The following ARMC3 variants were observed in gnomAD, a reference collection of about 807,000 sequenced individuals.
The protein encoded by ARMC3 is armadillo repeat containing 3, also known as armadillo repeat-containing protein 3.
In ARMC3, 74 loss-of-function variants were observed where a neutral mutation model predicts 90.3. That is an observed-to-expected ratio of 0.82 (90% CI 0.68 to 0.99). ARMC3 has a LOEUF of 0.99. Ranked by LOEUF, ARMC3 falls within the 50% of genes least tolerant of loss-of-function variation. The pLI is 0.00. For synonymous variants in ARMC3, 334 were observed against 361.8 expected (o/e 0.92, Z 0.87); for missense variants, 958 against 1,042.8 (o/e 0.92, Z 1.12).
chr10:22,973,753 C>CTTTTTTTTT (rs56405413), intron 8 of ARMC3, among the ~76,000 whole-genome samples: 16 of 79,924 alleles, frequency 2.0e-4, no homozygotes, highest in African/African-American at 3.4e-4. Flanking sequence ...CTTTGTCTTT[C>CTTTTTTTTT]TTTTTTTTTT....
intron 16 of ARMC3, among the ~76,000 whole-genome samples, chr10:23,012,813 T>C (rs1838077052): frequency 6.6e-6 from 1 of 151,952 alleles, no homozygotes; most frequent in Non-Finnish European, 1.5e-5. Context: ...TATCGTACTG[T>C]AAATCCTCCC....
chr10:22,944,459 AC>A (rs762690882), intron 2 of ARMC3, among the ~76,000 whole-genome samples: 5 of 152,232 alleles, frequency 3.3e-5, no homozygotes, highest in Non-Finnish European at 5.9e-5. Context: ...AAGTTCTACC[AC>A]ATCCATGGAG....
intron 8 of ARMC3, among the ~76,000 whole-genome samples, chr10:22,977,584 A>G (rs1835988423): frequency 6.6e-6 from 1 of 152,190 alleles, no homozygotes; most frequent in African/African-American, 2.4e-5. Context: ...AATTCAACTT[A>G]TTCAACTGGT....
In ARMC3 at chr10:22,959,062, C is replaced by G; in HGVS notation, c.293-8C>G. 6.3e-7 allele frequency: 1 copy of G among 1,592,726 alleles called. No individual in the cohort carries two copies. The highest frequency in any genetic ancestry group is 8.6e-7 in the Non-Finnish European group (1 of 1,160,628). ...ATAAACATCAATACTCTGTTTCTTC[C>G]TTTGTAGATGATGTTAAAAAATTGT... On this transcript the variant is annotated splice_region_variant and splice_polypyrimidine_tract_variant and intron_variant, in intron 4 of 18. Coordinates refer to ENST00000298032, the MANE Select transcript of ARMC3 (RefSeq NM_173081.5).
intron 8 of ARMC3, among the ~76,000 whole-genome samples, chr10:22,972,646 CT>C (rs1347647746): frequency 6.6e-6 from 1 of 152,112 alleles, no homozygotes. Flanking sequence ...TCAAACATCA[CT>C]TTTTCAGACC....
chr10:23,024,648 A>G (rs1838645456), intron 16 of ARMC3, among the ~76,000 whole-genome samples: 1 of 152,190 alleles, frequency 6.6e-6, no homozygotes, highest in South Asian at 2.1e-4. Flanking sequence ...TGTACATTGT[A>G]ATATCTACTG....
Position 22,961,997 on chromosome 10 carries a change from T to C in ARMC3, c.651T>C (p.Val217=). The C allele has an allele frequency of 6.2e-7, 1 of 1,612,680 alleles. No individual in the cohort carries two copies. The highest frequency in any genetic ancestry group is 8.5e-7 in the Non-Finnish European group (1 of 1,179,248). Residue 217 remains valine (V), a synonymous_variant, in exon 7 of 19, where the codon GTT becomes GTC. Transcript: ENST00000298032. ...TGTTGGCTCTCAAAACCTTAGGTGT[T>C]ATTGCAAATGATAAGGAGTCTCGAA... ...IQLLALKTLG[V]IANDKESRTM...
At chr10:23,004,460 C>T (rs1471583368) in intron 13 of ARMC3, among the ~76,000 whole-genome samples, 1 of 152,010 alleles carries the variant, frequency 6.6e-6, no homozygotes, top group Admixed American at 6.5e-5. Flanking sequence ...CAGACAGGAG[C>T]AAGAGGGCTA....
At chr10:22,943,797 G>T (rs1834414217) in intron 2 of ARMC3, among the ~76,000 whole-genome samples, 1 of 151,978 alleles carries the variant, frequency 6.6e-6, no homozygotes, top group Non-Finnish European at 1.5e-5. Flanking sequence ...GCCAGGCATG[G>T]TGGTGGGCAC....
intron 16 of ARMC3, among the ~76,000 whole-genome samples, chr10:23,025,112 GATAGCACTGAAAGGAGAATT>G (rs1838665678): frequency 1.3e-5 from 2 of 152,002 alleles, no homozygotes; most frequent in African/African-American, 4.8e-5. Context: ...AAAAAAACCT[GATAGCACTGAAAGGAGAATT>G]TGACAACTTC....
intron 1 of ARMC3, among the ~76,000 whole-genome samples, chr10:22,928,467 T>C (rs1833800137): frequency 6.6e-6 from 1 of 151,870 alleles, no homozygotes. Flanking sequence ...TTTAAAATCA[T>C]AGGCTGAACG....
At chr10:22,993,062 C>G (rs1456047569) in intron 10 of ARMC3, among the ~76,000 whole-genome samples, 1 of 152,176 alleles carries the variant, frequency 6.6e-6, no homozygotes, top group African/African-American at 2.4e-5. Flanking sequence ...TTCTTATTGC[C>G]AATATCACCA....
chr10:22,973,138 A>T (rs779021431), intron 8 of ARMC3, among the ~76,000 whole-genome samples: 27 of 151,386 alleles, frequency 1.8e-4, no homozygotes, highest in Non-Finnish European at 3.4e-4. Context: ...TCTACATAAA[A>T]TTTTTTTTAA....
intron 2 of ARMC3, among the ~76,000 whole-genome samples, chr10:22,945,697 TTGAG>T (rs1251891332): frequency 6.6e-6 from 1 of 152,216 alleles, no homozygotes; most frequent in African/African-American, 2.4e-5. Flanking sequence ...ATTGTGTATA[TTGAG>T]TAAGCATTTA....
At chr10:22,997,263 C>T (rs1366474264) in intron 10 of ARMC3, 1 of 152,152 alleles carries the variant, frequency 6.6e-6, no homozygotes, top group Non-Finnish European at 1.5e-5. Context: ...GTGTCTGGAG[C>T]CCTTCCACCC....
intron 3 of ARMC3, among the ~76,000 whole-genome samples, chr10:22,947,921 A>G (rs1005200163): frequency 6.6e-5 from 10 of 151,342 alleles, no homozygotes; most frequent in Non-Finnish European, 1.5e-4. Context: ...TCTTCATATT[A>G]TTACAAATGA....
At chr10:23,004,394 G>T (rs910102980) in intron 13 of ARMC3, among the ~76,000 whole-genome samples, 3 of 152,088 alleles carry the variant, frequency 2.0e-5, no homozygotes, top group African/African-American at 7.2e-5. Context: ...GCCAAAAGCT[G>T]CCAAGATCAG....
Position 23,001,254 on chromosome 10 carries a change from G to A in ARMC3, c.1426-665G>A, listed in dbSNP as rs1022675239. Among the ~76,000 whole-genome samples, 6 of 152,242 alleles carry A rather than the reference G, an allele frequency of 3.9e-5. No individual in the cohort carries two copies. In the East Asian group the frequency reaches 5.8e-4, roughly 15 times the overall value. On this transcript the variant is annotated intron_variant, in intron 11 of 18. Transcript: ENST00000298032. ...CACTTGGCTTAAAGCCATGTAAATC[G>A]AATATCATATGGTTGGGGAGGTCAG...
At chr10:23,028,326 A>C (rs1461934524) in intron 16 of ARMC3, among the ~76,000 whole-genome samples, 1 of 151,438 alleles carries the variant, frequency 6.6e-6, no homozygotes, top group East Asian at 1.9e-4. Context: ...TTCCAAAATT[A>C]TATTTTTATG....
Sources: allele counts gnomAD v4.1 joint callset (sites outside exome capture counted in the v4.1 genomes callset), GRCh38; gene constraint gnomAD v4.1.1; transcripts MANE v1.5; gene names NCBI Gene and HGNC (gene_info 2026-07-23, HGNC 2026-07-21).